The following HS6ST3 variants were observed in gnomAD, a reference collection of about 807,000 sequenced individuals.
HS6ST3 encodes the protein heparan sulfate 6-O-sulfotransferase 3.
In HS6ST3, 12 loss-of-function variants were observed where a neutral mutation model predicts 36.7. The observed-to-expected ratio is 0.33, with a 90% CI of 0.21 to 0.53. The LOEUF is 0.53. Ranked by LOEUF, HS6ST3 falls within the 20% of genes least tolerant of loss-of-function variation. HS6ST3 has a pLI of 0.95. For missense variants in HS6ST3, 584 were observed against 640.9 expected (o/e 0.91, Z 0.96); for synonymous variants, 240 against 257.5 (o/e 0.93, Z 0.65).
chr13:96,641,770 T>C (rs763768369), intron 1 of HS6ST3, among the ~76,000 whole-genome samples: 1 of 151,950 alleles, frequency 6.6e-6, no homozygotes, highest in Non-Finnish European at 1.5e-5. Flanking sequence ...AGTATGCAAA[T>C]ATTTGTTCCT....
At chr13:96,411,808 G>A (rs1204771165) in intron 1 of HS6ST3, among the ~76,000 whole-genome samples, 2 of 152,064 alleles carry the variant, frequency 1.3e-5, no homozygotes, top group Admixed American at 6.6e-5. Flanking sequence ...ATAAAAGGGA[G>A]GTAGGAACAA....
intron 1 of HS6ST3, among the ~76,000 whole-genome samples, chr13:96,272,797 A>G (rs1247961581): frequency 2.6e-5 from 4 of 151,964 alleles, no homozygotes; most frequent in Non-Finnish European, 5.9e-5. Context: ...TGAGTGAACC[A>G]TACCTTGGGG....
intron 1 of HS6ST3, among the ~76,000 whole-genome samples, chr13:96,667,837 G>T (rs191025708): frequency 1.3e-5 from 2 of 152,246 alleles, no homozygotes; most frequent in East Asian, 1.9e-4. Context: ...CTCTAGGATG[G>T]GGGAAAGGGG....
intron 1 of HS6ST3, among the ~76,000 whole-genome samples, chr13:96,250,567 A>T (rs1383341591): frequency 6.6e-6 from 1 of 152,198 alleles, no homozygotes; most frequent in Non-Finnish European, 1.5e-5. Flanking sequence ...CTCCTCTCAG[A>T]GTCTTCAGAA....
chr13:96,609,939 A>G (rs1017608690), intron 1 of HS6ST3, among the ~76,000 whole-genome samples: 2 of 152,208 alleles, frequency 1.3e-5, no homozygotes, highest in Non-Finnish European at 2.9e-5. Flanking sequence ...TTTCTCTTTT[A>G]CAGAACAATT....
chr13:96,110,338 G>A (rs532797326), intron 1 of HS6ST3, among the ~76,000 whole-genome samples: 6 of 151,854 alleles, frequency 4.0e-5, no homozygotes, highest in Non-Finnish European at 8.8e-5. Context: ...AGGACACCAA[G>A]CCCTTCATGA....
At chr13:96,271,820 A>G (rs372914002) in intron 1 of HS6ST3, among the ~76,000 whole-genome samples, 2 of 152,070 alleles carry the variant, frequency 1.3e-5, no homozygotes, top group East Asian at 3.9e-4. Flanking sequence ...TCCCACATGG[A>G]CACCTCTCAT....
chr13:96,269,300 G>C (rs1594738399), intron 1 of HS6ST3, among the ~76,000 whole-genome samples: 1 of 151,998 alleles, frequency 6.6e-6, no homozygotes, highest in Non-Finnish European at 1.5e-5. Context: ...AATGGCAATT[G>C]TGCTAGATTT....
At chr13:96,705,220 C>A (rs984443218) in intron 1 of HS6ST3, among the ~76,000 whole-genome samples, 3 of 152,142 alleles carry the variant, frequency 2.0e-5, no homozygotes, top group African/African-American at 4.8e-5. Flanking sequence ...TGGCATCCAC[C>A]ATTATTGTAT....
At chr13:96,276,851 T>C (rs2054750989) in intron 1 of HS6ST3, among the ~76,000 whole-genome samples, 1 of 152,170 alleles carries the variant, frequency 6.6e-6, no homozygotes, top group African/African-American at 2.4e-5. Flanking sequence ...GGAACCTGCA[T>C]TTTGAAAAGC....
intron 1 of HS6ST3, among the ~76,000 whole-genome samples, chr13:96,694,510 A>G (rs1875067303): frequency 6.6e-6 from 1 of 152,274 alleles, no homozygotes; most frequent in South Asian, 2.1e-4. Context: ...GTTGATTTAT[A>G]TATTTATATA....
intron 1 of HS6ST3, among the ~76,000 whole-genome samples, chr13:96,696,390 G>A (rs1875128903): frequency 6.6e-6 from 1 of 152,206 alleles, no homozygotes. Flanking sequence ...TGCTAAATTA[G>A]TATTGATTGA....
intron 1 of HS6ST3, among the ~76,000 whole-genome samples, chr13:96,501,448 G>T (rs2056004008): frequency 6.6e-6 from 1 of 152,214 alleles, no homozygotes; most frequent in African/African-American, 2.4e-5. Context: ...CATGCCAAGT[G>T]TGAGTTGCTG....
In HS6ST3 at chr13:96,198,855, T is replaced by G. The variant is rs2054327648; in HGVS notation, c.707+107286T>G. On this transcript the variant is annotated intron_variant, in intron 1 of 1. Transcript: ENST00000376705. ...GCCTGTTATCCAGCTACAAAGTTGC[T>G]TCCACATTTTTGGATGTATTTTCAG... 1.3e-5 allele frequency among the ~76,000 whole-genome samples: 2 copies of G among 152,256 alleles called. 1 individual carries two copies. Among genetic ancestry groups the G allele is most frequent in the South Asian group, 4.1e-4 (2 of 4,836 alleles).
At chr13:96,765,060 C>CTTTTTT (rs11423735) in intron 1 of HS6ST3, among the ~76,000 whole-genome samples, 43 of 93,894 alleles carry the variant, frequency 4.6e-4, no homozygotes, top group East Asian at 6.7e-4. Context: ...TTGTTTCTTT[C>CTTTTTT]TTTTTTTTTT....
chr13:96,448,631 T>A lies in HS6ST3; in HGVS notation c.707+357062T>A, dbSNP rs577836777. ...ATCATGTTCTCTTTGCCCCTGTACA[T>A]TTTTTCCTTGTCTAATACCCCTGCA... On this transcript the variant is annotated intron_variant, in intron 1 of 1. Coordinates refer to ENST00000376705, the MANE Select transcript of HS6ST3 (RefSeq NM_153456.4). Among the ~76,000 whole-genome samples, 3 of 152,198 alleles carry A rather than the reference T, an allele frequency of 2.0e-5. No individual in the cohort carries two copies. In the East Asian group the frequency reaches 5.8e-4, roughly 30 times the overall value.
intron 1 of HS6ST3, among the ~76,000 whole-genome samples, chr13:96,503,227 C>T (rs1248142267): frequency 1.3e-5 from 2 of 152,140 alleles, no homozygotes; most frequent in Non-Finnish European, 2.9e-5. Context: ...CCTTCTCCTT[C>T]CTCTTCTTTT....
chr13:96,498,439 C>T (rs1451858471), intron 1 of HS6ST3, among the ~76,000 whole-genome samples: 1 of 152,156 alleles, frequency 6.6e-6, no homozygotes, highest in Non-Finnish European at 1.5e-5. Context: ...CAGCACTCAC[C>T]TCTGGGCCTC....
chr13:96,456,480 AT>A (rs1201165097), intron 1 of HS6ST3, among the ~76,000 whole-genome samples: 1 of 152,094 alleles, frequency 6.6e-6, no homozygotes, highest in Admixed American at 6.5e-5. Flanking sequence ...AAGTAAATAC[AT>A]TTTTCTTAGG....
Sources: allele counts gnomAD v4.1 joint callset (sites outside exome capture counted in the v4.1 genomes callset), GRCh38; gene constraint gnomAD v4.1.1; transcripts MANE v1.5; gene names NCBI Gene and HGNC (gene_info 2026-07-23, HGNC 2026-07-21).